Variants in WWOX observed in about 807,000 individuals in gnomAD.
The protein encoded by WWOX is WW domain containing oxidoreductase, also known as WW domain-containing oxidoreductase.
WWOX carries 69 observed loss-of-function variants against 46.2 expected under a neutral mutation model. That is an observed-to-expected ratio of 1.49 (90% CI 1.23 to 1.82). The LOEUF is 1.82. Among genes scored for constraint, WWOX ranks in the 40% most tolerant of loss-of-function variants. The pLI, the probability that WWOX is intolerant of heterozygous loss-of-function variation, is 0.00. For missense variants in WWOX, 919 were observed against 542.6 expected, an observed-to-expected ratio of 1.69 and a Z score of -6.89; for synonymous variants, 359 against 202.6, an observed-to-expected ratio of 1.77 and a Z score of -6.56.
At chr16:79,031,916 C>CTG (rs1567501278) in intron 8 of WWOX, among the ~76,000 whole-genome samples, 3 of 85,192 alleles carry the variant, frequency 3.5e-5, no homozygotes, top group Non-Finnish European at 5.2e-5. Context: ...ATATAGATAT[C>CTG]TATATATATA....
chr16:79,157,926 G>C (rs74415998), intron 8 of WWOX, among the ~76,000 whole-genome samples: 5,465 of 152,242 alleles, frequency 0.036, 124 homozygotes, highest in Middle Eastern at 0.048. Context: ...CCTGGCCCTG[G>C]GTGATTAGAA....
intron 8 of WWOX, among the ~76,000 whole-genome samples, chr16:78,912,604 G>T (rs971259182): frequency 3.3e-5 from 5 of 152,022 alleles, no homozygotes; most frequent in Non-Finnish European, 7.4e-5. Flanking sequence ...GTGGCAGTCA[G>T]GGGAAAACAC....
chr16:78,388,759 C>T (rs2082113750), intron 6 of WWOX, among the ~76,000 whole-genome samples: 1 of 151,016 alleles, frequency 6.6e-6, no homozygotes, highest in Non-Finnish European at 1.5e-5. Context: ...CACCTGAAGT[C>T]AGGAGTTCGA....
intron 8 of WWOX, among the ~76,000 whole-genome samples, chr16:78,688,272 G>A (rs2047906644): frequency 6.6e-6 from 1 of 150,828 alleles, no homozygotes; most frequent in Non-Finnish European, 1.5e-5. Context: ...ATTTCTTGTT[G>A]CATCGTCTTT....
At chr16:78,662,721 C>T (rs545453908) in intron 8 of WWOX, among the ~76,000 whole-genome samples, 1 of 152,148 alleles carries the variant, frequency 6.6e-6, no homozygotes, top group African/African-American at 2.4e-5. Context: ...TGAGGGTGGT[C>T]ATTGACTGGG....
At chr16:78,276,168 G>C (rs948182513) in intron 5 of WWOX, among the ~76,000 whole-genome samples, 1 of 152,196 alleles carries the variant, frequency 6.6e-6, no homozygotes, top group African/African-American at 2.4e-5. Context: ...CCCCAGGTGG[G>C]AAGCACAGGT....
intron 8 of WWOX, among the ~76,000 whole-genome samples, chr16:78,969,459 C>A (rs1351688325): frequency 6.6e-6 from 1 of 151,998 alleles, no homozygotes; most frequent in Non-Finnish European, 1.5e-5. Context: ...CTAGTACAGA[C>A]AGGGTTTCAC....
intron 8 of WWOX, among the ~76,000 whole-genome samples, chr16:79,009,915 G>T (rs537201083): frequency 6.6e-6 from 1 of 152,230 alleles, no homozygotes; most frequent in Non-Finnish European, 1.5e-5. Context: ...ATCAAGTTGA[G>T]AGAGAAATTT....
At chr16:78,887,831 C>G (rs539150017) in intron 8 of WWOX, among the ~76,000 whole-genome samples, 14 of 152,270 alleles carry the variant, frequency 9.2e-5, no homozygotes, top group African/African-American at 3.4e-4. Context: ...AGGACTCTGT[C>G]TCTTTAAGTG....
chr16:79,117,722 A>C (rs2049545621), intron 8 of WWOX, among the ~76,000 whole-genome samples: 1 of 152,234 alleles, frequency 6.6e-6, no homozygotes, highest in Admixed American at 6.5e-5. Flanking sequence ...CTGCATCAGC[A>C]CTTGCTGCTT....
intron 5 of WWOX, among the ~76,000 whole-genome samples, chr16:78,221,937 T>C (rs1328764091): frequency 6.6e-6 from 1 of 152,156 alleles, no homozygotes; most frequent in Non-Finnish European, 1.5e-5. Context: ...TAATCTATTT[T>C]CTTACTGCTG....
chr16:78,826,758 C>G (rs547746345), intron 8 of WWOX, among the ~76,000 whole-genome samples: 1 of 152,264 alleles, frequency 6.6e-6, no homozygotes, highest in East Asian at 1.9e-4. Flanking sequence ...ACCATTCAAC[C>G]CACAATAAGA....
intron 8 of WWOX, among the ~76,000 whole-genome samples, chr16:78,982,184 C>G (rs756577943): frequency 2.6e-5 from 4 of 152,200 alleles, no homozygotes; most frequent in African/African-American, 4.8e-5. Flanking sequence ...CCCCAAACAG[C>G]CTCTTTCGTG....
intron 8 of WWOX, among the ~76,000 whole-genome samples, chr16:78,942,035 A>G (rs1277868054): frequency 1.3e-5 from 2 of 152,190 alleles, no homozygotes; most frequent in Non-Finnish European, 1.5e-5. Flanking sequence ...CCCACTCTCT[A>G]CCTCGCCTGG....
At chr16:79,104,461 T>C (rs2049267531) in intron 8 of WWOX, among the ~76,000 whole-genome samples, 1 of 152,220 alleles carries the variant, frequency 6.6e-6, no homozygotes, top group Non-Finnish European at 1.5e-5. Context: ...GTCTATCATA[T>C]TTGTAAAACA....
In WWOX at chr16:78,233,462, G is replaced by A. The variant is rs8053293; in HGVS notation, c.516+69173G>A. 5.6e-3 allele frequency among the ~76,000 whole-genome samples: 842 copies of A among 151,520 alleles called. 9 individuals carry two copies. Among genetic ancestry groups the A allele is most frequent in the African/African-American group, 0.019 (780 of 41,280 alleles). ...CTTTCAGCCTCCCTGGGTGTATTTC[G>A]CTGTATATGTGTACCATGTCAGCTT... On this transcript the variant is annotated intron_variant, in intron 5 of 8. Transcript: ENST00000566780.
intron 8 of WWOX, among the ~76,000 whole-genome samples, chr16:78,662,536 T>C (rs761244685): frequency 6.6e-6 from 1 of 152,130 alleles, no homozygotes; most frequent in Non-Finnish European, 1.5e-5. Flanking sequence ...TTGGACCAGT[T>C]GCAAGGATGC....
chr16:78,637,852 G>A (rs962498431), intron 8 of WWOX, among the ~76,000 whole-genome samples: 2 of 152,144 alleles, frequency 1.3e-5, no homozygotes, highest in African/African-American at 2.4e-5. Context: ...CCACTTTCCA[G>A]CCTTTGGGAA....
At chr16:78,686,924 G>A (rs1489960765) in intron 8 of WWOX, among the ~76,000 whole-genome samples, 1 of 152,204 alleles carries the variant, frequency 6.6e-6, no homozygotes, top group Non-Finnish European at 1.5e-5. Context: ...GTAATAAACA[G>A]TTTCCATATC....
Sources: gnomAD v4.1 joint callset for allele counts (sites outside exome capture counted in the v4.1 genomes callset) on GRCh38, gnomAD v4.1.1 for gene constraint, MANE v1.5 for transcripts, NCBI Gene and HGNC (gene_info 2026-07-23, HGNC 2026-07-21) for gene names.